The following MYO5B variants were observed in gnomAD, a reference collection of about 807,000 sequenced individuals.
The protein encoded by MYO5B is unconventional myosin-Vb.
A neutral mutation model predicts 229.3 loss-of-function variants in MYO5B; 143 were observed. The observed-to-expected ratio is 0.62, with a 90% confidence interval of 0.54 to 0.72. The LOEUF (loss-of-function observed/expected upper bound fraction) is 0.72, where lower values mean the gene tolerates loss of function less well. MYO5B is among the 30% of genes least tolerant of loss of function. The probability of loss-of-function intolerance (pLI) is 0.00; values close to 1 mark genes in which losing one functional copy is unlikely to be tolerated. For synonymous variants in MYO5B, 918 were observed against 885.2 expected, an observed-to-expected ratio of 1.04 and a Z score of -0.66; for missense variants, 2,321 against 2,331.0, an observed-to-expected ratio of 1.00 and a Z score of 0.09.
At chr18:49,850,691 G>A (rs140787887) in intron 31 of MYO5B, 89 of 152,288 alleles carry the variant, frequency 5.8e-4, no homozygotes, top group African/African-American at 1.9e-3. Flanking sequence ...TGTGGCTACC[G>A]AAGGTCTCCT....
intron 17 of MYO5B, among the ~76,000 whole-genome samples, chr18:49,925,290 T>C (rs2025116672): frequency 6.6e-6 from 1 of 152,182 alleles, no homozygotes; most frequent in African/African-American, 2.4e-5. Context: ...AATCAGAAAA[T>C]CTTTGAATAT....
intron 37 of MYO5B, among the ~76,000 whole-genome samples, chr18:49,837,163 GTATT>G (rs956786507): frequency 6.6e-6 from 1 of 152,202 alleles, no homozygotes; most frequent in Non-Finnish European, 1.5e-5. Flanking sequence ...TGAATTGTAA[GTATT>G]TATATTTAAC....
chr18:49,864,852 T>C (rs2024378372), intron 27 of MYO5B, among the ~76,000 whole-genome samples: 1 of 152,228 alleles, frequency 6.6e-6, no homozygotes, highest in South Asian at 2.1e-4. Flanking sequence ...AGCATCATTT[T>C]TGTCCCGGAC....
intron 17 of MYO5B, among the ~76,000 whole-genome samples, chr18:49,922,096 T>G (rs1469405412): frequency 6.6e-6 from 1 of 152,202 alleles, no homozygotes; most frequent in Non-Finnish European, 1.5e-5. Flanking sequence ...CTCAGGTCCC[T>G]CTGGTCCTAT....
At chr18:50,187,855 A>G (rs1233142586) in intron 1 of MYO5B, among the ~76,000 whole-genome samples, 1 of 152,004 alleles carries the variant, frequency 6.6e-6, no homozygotes, top group African/African-American at 2.4e-5. Context: ...ATGAAAGACA[A>G]AAAACTGAGC....
At chr18:50,113,322 C>T (rs1482067277) in intron 1 of MYO5B, among the ~76,000 whole-genome samples, 1 of 152,354 alleles carries the variant, frequency 6.6e-6, no homozygotes, top group South Asian at 2.1e-4. Context: ...AAAGCCTTGC[C>T]TTCCCTCCCA....
intron 17 of MYO5B, among the ~76,000 whole-genome samples, chr18:49,912,732 G>T (rs1261653813): frequency 6.6e-6 from 1 of 152,186 alleles, no homozygotes; most frequent in Non-Finnish European, 1.5e-5. Flanking sequence ...ATGTGGAACT[G>T]TGAGTCCATT....
chr18:49,909,320 C>T (rs1408920084), intron 18 of MYO5B, among the ~76,000 whole-genome samples: 1 of 152,208 alleles, frequency 6.6e-6, no homozygotes, highest in African/African-American at 2.4e-5. Context: ...GGAAGGATAA[C>T]TGCACTCAGT....
intron 7 of MYO5B, among the ~76,000 whole-genome samples, chr18:49,987,647 T>G (rs1349768098): frequency 6.6e-6 from 1 of 152,154 alleles, no homozygotes. Flanking sequence ...GTCATGGACT[T>G]GCACATCACC....
At chr18:49,921,261 T>G (rs934012192) in intron 17 of MYO5B, among the ~76,000 whole-genome samples, 8 of 148,508 alleles carry the variant, frequency 5.4e-5, no homozygotes, top group South Asian at 2.2e-4. Flanking sequence ...GCAGAGTTTT[T>G]TTTTTTTTTT....
intron 10 of MYO5B, among the ~76,000 whole-genome samples, chr18:49,971,736 C>T (rs554865571): frequency 1.7e-3 from 252 of 152,332 alleles, no homozygotes; most frequent in African/African-American, 5.7e-3. Flanking sequence ...ATGGCCCAGG[C>T]ACACAGCTAG....
chr18:50,060,591 T>A (rs977685189), intron 1 of MYO5B, among the ~76,000 whole-genome samples: 5 of 152,254 alleles, frequency 3.3e-5, no homozygotes, highest in African/African-American at 7.2e-5. Context: ...TTTTGGAAAG[T>A]TCTTTTGAAA....
intron 32 of MYO5B, among the ~76,000 whole-genome samples, chr18:49,847,847 T>C (rs561254508): frequency 6.6e-6 from 1 of 152,080 alleles, no homozygotes; most frequent in African/African-American, 2.4e-5. Flanking sequence ...TGGATCAGGG[T>C]GGTGATGGTG....
At chr18:50,161,101 G>GA in intron 1 of MYO5B, among the ~76,000 whole-genome samples, 1 of 152,250 alleles carries the variant, frequency 6.6e-6, no homozygotes, top group East Asian at 1.9e-4. Flanking sequence ...ACCTGGCTTA[G>GA]AAAAAGAGAT....
At chr18:50,002,322 G>C (rs2026056985) in intron 4 of MYO5B, among the ~76,000 whole-genome samples, 1 of 152,162 alleles carries the variant, frequency 6.6e-6, no homozygotes, top group Non-Finnish European at 1.5e-5. Context: ...AGTGGGATCT[G>C]AGTCAGACAG....
intron 14 of MYO5B, among the ~76,000 whole-genome samples, chr18:49,942,849 G>A (rs987775133): frequency 7.2e-5 from 11 of 152,068 alleles, no homozygotes; most frequent in Non-Finnish European, 1.5e-4. Context: ...ATTTGACACG[G>A]CCATCACATT....
At chr18:50,010,412 CAGACAGAGGG>C (rs1568069493) in intron 4 of MYO5B, among the ~76,000 whole-genome samples, 1 of 152,186 alleles carries the variant, frequency 6.6e-6, no homozygotes, top group Non-Finnish European at 1.5e-5. Context: ...GCAGACAGGC[CAGACAGAGGG>C]AGACAGAGCA....
At chr18:49,954,685 G>C (rs2025472226) in intron 12 of MYO5B, among the ~76,000 whole-genome samples, 1 of 152,224 alleles carries the variant, frequency 6.6e-6, no homozygotes, top group Admixed American at 6.5e-5. Flanking sequence ...CTGGTTGGCA[G>C]ACACTGGAAG....
chr18:49,903,003 C>G (rs2024860828), intron 20 of MYO5B, among the ~76,000 whole-genome samples, 170 bp from the exon 21 acceptor site: 1 of 152,216 alleles, frequency 6.6e-6, no homozygotes, highest in African/African-American at 2.4e-5. Flanking sequence ...TTTTATAACA[C>G]ATTTCAGCGA....
Sources: allele counts gnomAD v4.1 joint callset (sites outside exome capture counted in the v4.1 genomes callset), GRCh38; gene constraint gnomAD v4.1.1; transcripts MANE v1.5; gene names NCBI Gene and HGNC (gene_info 2026-07-23, HGNC 2026-07-21).